The following PRDM5 variants were observed in gnomAD, a reference collection of about 807,000 sequenced individuals.
PRDM5 encodes the protein PR domain zinc finger protein 5.
A neutral mutation model predicts 81.2 loss-of-function variants in PRDM5; 56 were observed. That is an observed-to-expected ratio of 0.69 (90% confidence interval 0.56 to 0.86). The LOEUF (loss-of-function observed/expected upper bound fraction) is 0.86, where lower values mean the gene tolerates loss of function less well. Ranked by LOEUF, PRDM5 falls within the 40% of genes least tolerant of loss-of-function variation. The probability of loss-of-function intolerance (pLI) is 0.00; values close to 1 mark genes in which losing one functional copy is unlikely to be tolerated. For missense variants in PRDM5, 697 were observed against 770.1 expected, an observed-to-expected ratio of 0.91 and a Z score of 1.12; for synonymous variants, 267 against 256.4, an observed-to-expected ratio of 1.04 and a Z score of -0.39.
intron 3 of PRDM5, chr4:120,839,385 C>G: frequency 1.5e-6 from 1 of 683,730 alleles, no homozygotes; most frequent in Non-Finnish European, 2.7e-6. Context: ...TTTCTTTCCA[C>G]AGGCAGGGTA....
At chr4:120,829,076 A>G (rs377238159) in intron 3 of PRDM5, among the ~76,000 whole-genome samples, 83 of 152,162 alleles carry the variant, frequency 5.5e-4, no homozygotes, top group African/African-American at 1.9e-3. Flanking sequence ...CTCAGACCTC[A>G]CCCTACTAAA....
At chr4:120,720,529 A>G (rs1212945970) in intron 14 of PRDM5, among the ~76,000 whole-genome samples, 1 of 152,230 alleles carries the variant, frequency 6.6e-6, no homozygotes, top group African/African-American at 2.4e-5. Context: ...ACAGAGCTAC[A>G]GCCCACAGTA....
intron 3 of PRDM5, among the ~76,000 whole-genome samples, chr4:120,828,228 A>G (rs1252707881): frequency 6.6e-6 from 1 of 152,082 alleles, no homozygotes; most frequent in African/African-American, 2.4e-5. Context: ...AGTGGGTTCA[A>G]TAGTATCTAC....
Position 120,694,835 on chromosome 4 carries a change from G to A in PRDM5, c.*276C>T. 4.8e-6 allele frequency: 2 copies of A among 413,974 alleles called. No individual in the cohort carries two copies. The highest frequency in any genetic ancestry group is 4.9e-5 in the South Asian group (2 of 40,930). 25.6% of individuals were successfully genotyped at this position (413,974 alleles called of 1,614,324 possible). On this transcript the variant is annotated 3_prime_UTR_variant, in exon 16 of 16. Transcript: ENST00000264808. ...ATTACAGAGGGATGGCCAAGAAAGA[G>A]AGCCATGACTCCTTTCTCCATTTTT...
chr4:120,689,090 T>C (rs74984834), downstream of PRDM5, among the ~76,000 whole-genome samples: 2,146 of 152,282 alleles, frequency 0.014, 50 homozygotes, highest in African/African-American at 0.048. Context: ...GTCAGATCTG[T>C]AGCTTAGAAA....
chr4:120,740,370 CA>C (rs1741742150), intron 14 of PRDM5, among the ~76,000 whole-genome samples: 1 of 152,052 alleles, frequency 6.6e-6, no homozygotes, highest in African/African-American at 2.4e-5. Flanking sequence ...TCTTCTTATC[CA>C]GACATAAAAA....
At chr4:120,769,969 G>A (rs985666644) in intron 13 of PRDM5, among the ~76,000 whole-genome samples, 1 of 151,562 alleles carries the variant, frequency 6.6e-6, no homozygotes, top group African/African-American at 2.4e-5. Flanking sequence ...AGTGGCAGCT[G>A]CATCTACACG....
intron 1 of PRDM5, among the ~76,000 whole-genome samples, chr4:120,917,575 G>A (rs1485059555): frequency 6.6e-6 from 1 of 151,672 alleles, no homozygotes; most frequent in African/African-American, 2.4e-5. Flanking sequence ...AATAGTACAG[G>A]TCTTGGCATA....
intron 13 of PRDM5, among the ~76,000 whole-genome samples, chr4:120,766,857 G>T (rs1746460287): frequency 1.3e-5 from 2 of 152,120 alleles, no homozygotes; most frequent in Admixed American, 1.3e-4. Context: ...CAGATGCCTT[G>T]TGCACACTTG....
intron 8 of PRDM5, among the ~76,000 whole-genome samples, chr4:120,801,298 G>T (rs1035573307): frequency 6.6e-6 from 1 of 151,998 alleles, no homozygotes; most frequent in Non-Finnish European, 1.5e-5. Context: ...GTAATGAGTG[G>T]AGGACTCGGC....
intron 2 of PRDM5, among the ~76,000 whole-genome samples, chr4:120,873,406 G>C (rs1029147418): frequency 6.6e-6 from 1 of 152,166 alleles, no homozygotes; most frequent in African/African-American, 2.4e-5. Flanking sequence ...ATGAGTCTTT[G>C]ATAGAAATAA....
At chr4:120,889,200 C>T (rs559200495) in intron 2 of PRDM5, among the ~76,000 whole-genome samples, 5 of 152,060 alleles carry the variant, frequency 3.3e-5, no homozygotes, top group Non-Finnish European at 7.4e-5. Flanking sequence ...TTGCTTTCAT[C>T]TGATATGTTT....
chr4:120,788,511 T>C (rs937804197), intron 10 of PRDM5, among the ~76,000 whole-genome samples: 5 of 152,214 alleles, frequency 3.3e-5, no homozygotes, highest in African/African-American at 1.2e-4. Context: ...GACAGCATTA[T>C]CATAAAAAGG....
chr4:120,798,932 T>C (rs1751722739), intron 9 of PRDM5, among the ~76,000 whole-genome samples: 1 of 152,176 alleles, frequency 6.6e-6, no homozygotes, highest in South Asian at 2.1e-4. Flanking sequence ...ATATATAATA[T>C]GTATCAAATA....
intron 14 of PRDM5, among the ~76,000 whole-genome samples, chr4:120,745,494 C>T (rs1236749081): frequency 6.6e-6 from 1 of 151,000 alleles, no homozygotes; most frequent in East Asian, 1.9e-4. Context: ...GTCAAATTGT[C>T]CCTGTTTGCA....
intron 14 of PRDM5, among the ~76,000 whole-genome samples, chr4:120,710,854 A>G (rs957077967): frequency 1.3e-5 from 2 of 152,020 alleles, no homozygotes; most frequent in Non-Finnish European, 2.9e-5. Flanking sequence ...TTCCTGTATA[A>G]ATCACCCAGT....
At chr4:120,811,153 T>C (rs1469559589) in intron 8 of PRDM5, among the ~76,000 whole-genome samples, 2 of 150,638 alleles carry the variant, frequency 1.3e-5, no homozygotes. Flanking sequence ...ATATTGGACC[T>C]TGTCATAACA....
At chr4:120,913,968 C>T (rs1766796064) in intron 1 of PRDM5, among the ~76,000 whole-genome samples, 1 of 152,194 alleles carries the variant, frequency 6.6e-6, no homozygotes, top group Non-Finnish European at 1.5e-5. Context: ...CCTTCTACCA[C>T]CTGCAGGACT....
At chr4:120,855,236 T>C (rs1759740382) in intron 2 of PRDM5, among the ~76,000 whole-genome samples, 1 of 152,230 alleles carries the variant, frequency 6.6e-6, no homozygotes, top group African/African-American at 2.4e-5. Flanking sequence ...ATTCCTGTTT[T>C]CTTAAGTGCC....
Sources: allele counts gnomAD v4.1 joint callset (sites outside exome capture counted in the v4.1 genomes callset), GRCh38; gene constraint gnomAD v4.1.1; transcripts MANE v1.5; gene names NCBI Gene and HGNC (gene_info 2026-07-23, HGNC 2026-07-21).